Variants in ARHGAP32 observed in about 807,000 individuals in gnomAD.
ARHGAP32 encodes the protein Rho GTPase activating protein 32.
Under a neutral mutation model 186.5 loss-of-function variants are expected in ARHGAP32, and 51 were observed. That is an observed-to-expected ratio of 0.27 (90% confidence interval 0.22 to 0.35). The LOEUF (loss-of-function observed/expected upper bound fraction) is 0.35. Among genes scored for constraint, ARHGAP32 ranks in the 10% least tolerant of loss-of-function variants. The pLI, the probability that ARHGAP32 is intolerant of heterozygous loss-of-function variation, is 1.00. For synonymous variants in ARHGAP32, 950 were observed against 964.3 expected (o/e 0.99, Z 0.27); for missense variants, 2,186 against 2,623.5 (o/e 0.83, Z 3.64).
chr11:129,184,904 G>T (rs560089414), intron 1 of ARHGAP32, among the ~76,000 whole-genome samples: 4 of 152,190 alleles, frequency 2.6e-5, no homozygotes, highest in African/African-American at 9.6e-5. Context: ...ACTTAAGAAC[G>T]TATCAGGCAA....
intron 1 of ARHGAP32, among the ~76,000 whole-genome samples, chr11:129,172,479 AACAGAATAT>A (rs1342694055): frequency 1.3e-5 from 2 of 152,186 alleles, no homozygotes; most frequent in Non-Finnish European, 2.9e-5. Flanking sequence ...ACCCCAAATC[AACAGAATAT>A]ACATTCTTCT....
chr11:128,995,629 A>G (rs1946178240), intron 12 of ARHGAP32, among the ~76,000 whole-genome samples: 1 of 152,228 alleles, frequency 6.6e-6, no homozygotes. Flanking sequence ...GCTTGAGTCC[A>G]GGAGTTCGAG....
At chr11:129,107,868 C>CAAAAAAAAAAAAAAAAAAAA (rs71057924) in intron 5 of ARHGAP32, among the ~76,000 whole-genome samples, 1 of 93,406 alleles carries the variant, frequency 1.1e-5, no homozygotes, top group African/African-American at 4.3e-5. Context: ...AACTATGTTT[C>CAAAAAAAAAAAAAAAAAAAA]AAAAAAAAAA....
At position 128,969,656 on chromosome 11, in the gene ARHGAP32, C is replaced by G; in HGVS notation, c.5557G>C (p.Ala1853Pro). 1 of 1,614,108 alleles carries G rather than the reference C, an allele frequency of 6.2e-7. No individual in the cohort carries two copies. Among genetic ancestry groups the G allele is most frequent in the East Asian group, 2.2e-5 (1 of 44,878 alleles). ...RRHPEAEMDR[A>P]HHHGGHGSTQ... ...CTACCATGGCCTCCGTGATGGTGGG[C>G]TCTGTCCATCTCTGCCTCGGGATGC... is the stretch of plus-strand genomic sequence containing the variant. Residue 1853 changes from alanine (A) to proline (P), a missense_variant, in exon 23 of 23, where the codon GCC becomes CCC. By Grantham distance (27) the Ala-to-Pro change is conservative (BLOSUM62 -1). Around this residue, in one of 5 missense-constraint regions of ARHGAP32, gnomAD observed 1,502 missense variants for 1,570.0 expected, o/e 0.96. Transcript: ENST00000682385. This position sits in a 1 kb window ranked among gnomAD's most constrained non-coding sequence, Gnocchi z 4.8.
intron 11 of ARHGAP32, among the ~76,000 whole-genome samples, chr11:129,018,129 C>T (rs1938439525): frequency 6.6e-6 from 1 of 152,002 alleles, no homozygotes. Context: ...TTTTTAAATA[C>T]TTTTATACTC....
intron 5 of ARHGAP32, among the ~76,000 whole-genome samples, chr11:129,111,203 G>C (rs1026228350): frequency 6.6e-6 from 1 of 152,020 alleles, no homozygotes; most frequent in Non-Finnish European, 1.5e-5. Flanking sequence ...TCTTTCAGTC[G>C]GCTGATGTGA....
At chr11:129,174,215 A>C (rs1450752911) in intron 1 of ARHGAP32, among the ~76,000 whole-genome samples, 1 of 152,210 alleles carries the variant, frequency 6.6e-6, no homozygotes, top group Non-Finnish European at 1.5e-5. Context: ...CTCCCACCCA[A>C]ATACTGCGCT....
intron 6 of ARHGAP32, among the ~76,000 whole-genome samples, chr11:129,084,972 C>T (rs1941338260): frequency 6.6e-6 from 1 of 151,942 alleles, no homozygotes; most frequent in Admixed American, 6.6e-5. Context: ...TATACAAAAC[C>T]TAATCAGTTT....
At chr11:129,277,682 T>A (rs150678639) in intron 1 of ARHGAP32, among the ~76,000 whole-genome samples, 1 of 152,154 alleles carries the variant, frequency 6.6e-6, no homozygotes, top group Non-Finnish European at 1.5e-5. Context: ...GACATTTCCA[T>A]AGAGACACCT....
intron 6 of ARHGAP32, among the ~76,000 whole-genome samples, chr11:129,075,112 C>G (rs1940996779): frequency 6.6e-6 from 1 of 151,872 alleles, no homozygotes; most frequent in African/African-American, 2.4e-5. Flanking sequence ...GAACGAAGAA[C>G]AAGGGCAATA....
rs71057930 is a variant in ARHGAP32 at position 129,191,670 on chromosome 11, G to GCACA, written c.116+409_116+412dup. Reference sequence around the variant, plus strand: ...ACAAAGCAGGCAGGCAGGCAGGCACGCACACACACACACACACACACACAC... The same window carrying GCACA: ...ACAAAGCAGGCAGGCAGGCAGGCACGCACACACACACACACACACACACACACAC... On this transcript the variant is annotated intron_variant, in intron 1 of 22. Coordinates refer to ENST00000682385, the MANE Select transcript of ARHGAP32 (RefSeq NM_001378024.1). Among the ~76,000 whole-genome samples the GCACA allele has an allele frequency of 9.1e-3, 1,348 of 148,136 alleles. 10 individuals are homozygous for GCACA. Among genetic ancestry groups the GCACA allele is most frequent in the Middle Eastern group, 0.021 (6 of 286 alleles).
In ARHGAP32 at chr11:129,228,787, C is replaced by T. The variant is rs7944261; in HGVS notation, c.-5+50359G>A. Among the ~76,000 whole-genome samples, 824 of 152,230 alleles carry T rather than the reference C, an allele frequency of 5.4e-3. 4 individuals carry two copies. Among genetic ancestry groups the T allele is most frequent in the African/African-American group, 0.019 (785 of 41,528 alleles). ...TACCTAGGTGATGGGTTGACAGGTG[C>T]AGGATACCACCATGGCATACGTTTA... On this transcript the variant is annotated intron_variant, in intron 1 of 6. Transcript: ENST00000525234.
At chr11:129,046,068 C>T (rs76670383) in intron 10 of ARHGAP32, among the ~76,000 whole-genome samples, 7,583 of 152,102 alleles carry the variant, frequency 0.05, 271 homozygotes, top group Non-Finnish European at 0.071. Context: ...TAGCTCTCCA[C>T]GGGGGAAAGG....
intron 11 of ARHGAP32, among the ~76,000 whole-genome samples, chr11:129,021,575 T>G (rs1190198703): frequency 6.6e-6 from 1 of 152,082 alleles, no homozygotes; most frequent in Non-Finnish European, 1.5e-5. Flanking sequence ...TATTATTATC[T>G]ACATTACACA....
At chr11:129,269,452 C>T (rs540875372) in intron 1 of ARHGAP32, among the ~76,000 whole-genome samples, 30 of 152,180 alleles carry the variant, frequency 2.0e-4, no homozygotes, top group East Asian at 3.9e-4. Context: ...CATGGCCAGG[C>T]GCCATAACTC....
intron 2 of ARHGAP32, among the ~76,000 whole-genome samples, chr11:129,148,845 A>C (rs979676771): frequency 1.3e-5 from 2 of 152,026 alleles, no homozygotes; most frequent in South Asian, 4.1e-4. Flanking sequence ...TCCCTGAGAA[A>C]CTATATAGAA....
Position 128,970,068 on chromosome 11 carries a change from C to T in ARHGAP32, c.5145G>A (p.Leu1715=), listed in dbSNP as rs778211109. Residue 1715 remains leucine (L), a synonymous_variant, in exon 23 of 23, where the codon TTG becomes TTA. Coordinates refer to ENST00000682385, the MANE Select transcript of ARHGAP32 (RefSeq NM_001378024.1). This position sits in a 1 kb window ranked among gnomAD's most constrained non-coding sequence, Gnocchi z 5.8. The part of the protein sequence containing the change: ...FYNPRLQGKS[L]YSYAGLAPRP... ...GTGGAGCCAAACCAGCATAACTGTA[C>T]AAGCTCTTTCCTTGCAGCCTAGGAT... The T allele has an allele frequency of 6.8e-6, 11 of 1,614,046 alleles. No homozygotes were observed. The African/African-American group carries it at 1.2e-4, about 18-fold the overall frequency.
At chr11:129,232,708 C>A (rs1020658579) in intron 1 of ARHGAP32, among the ~76,000 whole-genome samples, 3 of 152,132 alleles carry the variant, frequency 2.0e-5, no homozygotes, top group African/African-American at 7.2e-5. Context: ...TGGCTAAATT[C>A]ACTTCCTTGC....
At chr11:129,244,569 A>T (rs1245237371) in intron 1 of ARHGAP32, among the ~76,000 whole-genome samples, 1 of 152,176 alleles carries the variant, frequency 6.6e-6, no homozygotes, top group Non-Finnish European at 1.5e-5. Context: ...ACCAAAAGCA[A>T]TGGCAACAAA....
Sources: allele counts gnomAD v4.1 joint callset (sites outside exome capture counted in the v4.1 genomes callset), GRCh38; gene constraint gnomAD v4.1.1; regional missense constraint gnomAD v4.1.1; non-coding constraint Gnocchi (gnomAD v3.1); transcripts MANE v1.5; gene names NCBI Gene and HGNC (gene_info 2026-07-23, HGNC 2026-07-21).